CRYBG2: variants seen among roughly 807,000 people sequenced by gnomAD.
The protein encoded by CRYBG2 is beta/gamma crystallin domain-containing protein 2.
Under a neutral mutation model 153.4 loss-of-function variants are expected in CRYBG2, and 106 were observed. That is an observed-to-expected ratio of 0.69 (90% CI 0.59 to 0.81). The LOEUF is 0.81. CRYBG2 is among the 30% of genes least tolerant of loss of function. The pLI is 0.00. For missense variants in CRYBG2, 1,996 were observed against 2,112.0 expected (o/e 0.95, Z 1.08); for synonymous variants, 851 against 877.8 (o/e 0.97, Z 0.54).
chr1:26,337,812 A>T, intron 8 of CRYBG2, 138 bp from the exon 9 acceptor site: 2 of 1,346,258 alleles, frequency 1.5e-6, no homozygotes, highest in Non-Finnish European at 2.0e-6. Context: ...CCCTTACCCA[A>T]TTCCTATCTC....
Position 26,336,111 on chromosome 1 carries a change from G to A in CRYBG2, c.4168C>T (p.Arg1390Trp). The change falls in exon 14 of 20, where the codon CGG becomes TGG. Residue 1390 changes from arginine to tryptophan, a missense_variant. Coordinates refer to ENST00000308182, the MANE Select transcript of CRYBG2 (RefSeq NM_001039775.4). This position sits in a 1 kb window ranked among gnomAD's most constrained non-coding sequence, Gnocchi z 4.9. ...LPASFRPQSCRVHGGSWILFD... is the reference protein window; with the variant it reads ...LPASFRPQSCWVHGGSWILFD... ...CGTTCTCACCTGCCGCCGTGGACCCGGCAGGACTGAGGTCGGAAGGAGGCG... is the reference window on the plus strand; with the variant it reads ...CGTTCTCACCTGCCGCCGTGGACCCAGCAGGACTGAGGTCGGAAGGAGGCG... The A allele has an allele frequency of 6.7e-7, 1 of 1,498,342 alleles. No individual in the cohort carries two copies. Among genetic ancestry groups the A allele is most frequent in the Non-Finnish European group, 9.0e-7 (1 of 1,115,586 alleles). The allele number at this position is 1,498,342 out of a possible 1,614,324, so 92.8% of individuals were successfully genotyped here.
In CRYBG2 at chr1:26,336,569, C is replaced by T. The variant is rs1258066926; in HGVS notation, c.4038+37G>A. 3 of 1,541,848 alleles carry T rather than the reference C, an allele frequency of 1.9e-6. No individual in the cohort carries two copies. The highest frequency in any genetic ancestry group is 2.6e-6 in the Non-Finnish European group (3 of 1,143,138). ...GGCGCACCCGAACTCCAGGTCCCGC[C>T]ACCGGGGAGGCCCCGCCCCCCGCGG... On this transcript the variant is annotated intron_variant, in intron 12 of 19. Coordinates refer to ENST00000308182, the MANE Select transcript of CRYBG2 (RefSeq NM_001039775.4). The surrounding 1 kb of genome is among the most constrained non-coding windows in gnomAD (Gnocchi z 4.9).
At chr1:26,342,637 G>C in intron 5 of CRYBG2, 117 bp downstream of exon 5, 1 of 1,460,112 alleles carries the variant, frequency 6.8e-7, no homozygotes, top group Non-Finnish European at 9.2e-7. Flanking sequence ...GTCCTCAGCC[G>C]ATCCACCTGC....
In CRYBG2 at chr1:26,354,101, T is replaced by C; in HGVS notation, c.-121A>G. The C allele has an allele frequency of 2.5e-6, 1 of 399,736 alleles. No individual in the cohort carries two copies. The allele number at this position is 399,736 out of a possible 1,614,324, so 24.8% of individuals were successfully genotyped here. ...GCCTGGAGCTCCTGCTGCTGGGCCG[T>C]GCTCCCCTGATGCGATTGGGCTCTC... On this transcript the variant is annotated 5_prime_UTR_variant, in exon 1 of 20. Transcript: ENST00000308182.
Position 26,328,836 on chromosome 1 carries a change from T to G in CRYBG2, c.4352A>C (p.Glu1451Ala), listed in dbSNP as rs750923705. The change falls in exon 16 of 20, where the codon GAG becomes GCG. Residue 1451 changes from glutamate to alanine, a missense_variant. By Grantham distance (107) the Glu-to-Ala change is moderately radical (BLOSUM62 -1). Transcript: ENST00000308182. ...SEPSIFLYGL[E>A]CFEGKEIELS... ...CTCGATCTCCTTCCCCTCGAAGCAC[T>G]CGAGTCCATACAGGAAAATGGAAGG... 8.1e-6 allele frequency: 13 copies of G among 1,614,004 alleles called. No homozygotes were observed. The highest frequency in any genetic ancestry group is 1.1e-5 in the Non-Finnish European group (13 of 1,180,004).
Position 26,336,182 on chromosome 1 carries a change from A to G in CRYBG2, c.4097T>C (p.Phe1366Ser), listed in dbSNP as rs774806395. 1.3e-6 allele frequency: 2 copies of G among 1,551,244 alleles called. No homozygotes were observed. Among genetic ancestry groups the G allele is most frequent in the Non-Finnish European group, 1.7e-6 (2 of 1,145,266 alleles). Residue 1366 changes from phenylalanine to serine, a missense_variant, in exon 14 of 20, where the codon TTT becomes TCT. Physicochemically the swap from Phe to Ser is radical, Grantham distance 155. Coordinates refer to ENST00000308182, the MANE Select transcript of CRYBG2 (RefSeq NM_001039775.4). The surrounding 1 kb of genome is among the most constrained non-coding windows in gnomAD (Gnocchi z 4.9). Reference sequence around the variant, plus strand: ...TTCGAAAGAGAAGTGGTCGCCCAGAAAGTCGGGGCGGGAGAAAAGCTGAAT... The same window carrying G: ...TTCGAAAGAGAAGTGGTCGCCCAGAGAGTCGGGGCGGGAGAAAAGCTGAAT... ...SKIQLFSRPD[F>S]LGDHFSFEDD...
At chr1:26,332,116 G>A (rs1157594605) in intron 14 of CRYBG2, among the ~76,000 whole-genome samples, 1 of 152,016 alleles carries the variant, frequency 6.6e-6, no homozygotes. Context: ...GACCATCCTG[G>A]CTAACACAGT....
intron 1 of CRYBG2, among the ~76,000 whole-genome samples, chr1:26,347,276 C>A (rs1464615356): frequency 1.3e-5 from 2 of 150,122 alleles, no homozygotes; most frequent in South Asian, 4.2e-4. Context: ...AATGAAACCT[C>A]CCCCTGCGTT....
Position 26,324,249 on chromosome 1 carries a change from T to A in CRYBG2, c.4640A>T (p.His1547Leu). Residue 1547 changes from histidine to leucine, a missense_variant, in exon 18 of 20, where the codon CAT becomes CTT. His to Leu is a moderately conservative substitution (Grantham distance 99). Coordinates refer to ENST00000308182, the MANE Select transcript of CRYBG2 (RefSeq NM_001039775.4). ...ALGGFLAVPD[H>L]VEDMKAGRVV... ...ACGGCCTGCTTTCATGTCCTCCACA[T>A]GGTCCGGCACTGCCAGGAATCCCCC... 6.2e-7 allele frequency: 1 copy of A among 1,612,552 alleles called. No homozygotes were observed. Among genetic ancestry groups the A allele is most frequent in the Non-Finnish European group, 8.5e-7 (1 of 1,179,942 alleles).
chr1:26,352,306 C>T (rs2074295358), intron 1 of CRYBG2, among the ~76,000 whole-genome samples: 1 of 152,096 alleles, frequency 6.6e-6, no homozygotes, highest in African/African-American at 2.4e-5. Flanking sequence ...CAAATATACA[C>T]TCACCCAAGA....
At chr1:26,348,320 G>T (rs1007917282) in intron 1 of CRYBG2, among the ~76,000 whole-genome samples, 18 of 152,210 alleles carry the variant, frequency 1.2e-4, no homozygotes, top group Non-Finnish European at 2.4e-4. Context: ...ACTTTGGGAG[G>T]CAGAGGTGGG....
chr1:26,331,542 C>T lies in CRYBG2; in HGVS notation c.4261G>A (p.Ala1421Thr), dbSNP rs2073996992. The change falls in exon 15 of 20, where the codon GCC becomes ACC. Residue 1421 changes from alanine to threonine, a missense_variant. Coordinates refer to ENST00000308182, the MANE Select transcript of CRYBG2 (RefSeq NM_001039775.4). ...LSEGEFPTLT[A>T]MGCLASTVLG... ...ACTGTGGAGGCGAGGCAGCCCATGG[C>T]CGTGAGAGTGGGGAACTCGCCCTCA... The T allele has an allele frequency of 6.2e-7, 1 of 1,613,992 alleles. No homozygotes were observed. Among genetic ancestry groups the T allele is most frequent in the South Asian group, 1.1e-5 (1 of 91,082 alleles).
At chr1:26,351,970 C>T (rs1464681838) in intron 1 of CRYBG2, among the ~76,000 whole-genome samples, 1 of 152,106 alleles carries the variant, frequency 6.6e-6, no homozygotes, top group African/African-American at 2.4e-5. Context: ...GGGCCCCAGA[C>T]CAGAAGTGGA....
At chr1:26,329,284 C>T (rs1176152089) in intron 15 of CRYBG2, among the ~76,000 whole-genome samples, 2 of 144,158 alleles carry the variant, frequency 1.4e-5, no homozygotes, top group African/African-American at 5.1e-5. Flanking sequence ...TCAAACAATT[C>T]TTCTGCCTCA....
chr1:26,331,783 A>C (rs1356543931), intron 14 of CRYBG2, among the ~76,000 whole-genome samples, 165 bp from the exon 15 acceptor site: 1 of 152,228 alleles, frequency 6.6e-6, no homozygotes, highest in Non-Finnish European at 1.5e-5. Context: ...GTCAGACCTA[A>C]GAAAAGACTG....
chr1:26,336,556 C>G lies in CRYBG2; in HGVS notation c.4038+50G>C, dbSNP rs1347196164. On this transcript the variant is annotated intron_variant, in intron 12 of 19. Transcript: ENST00000308182. The surrounding 1 kb of genome is among the most constrained non-coding windows in gnomAD (Gnocchi z 4.9). ...TGCGTGGGGGCGGGGCGCACCCGAA[C>G]TCCAGGTCCCGCCACCGGGGAGGCC... 9 of 1,541,770 alleles carry G rather than the reference C, an allele frequency of 5.8e-6. No homozygotes were observed. In the African/African-American group the frequency reaches 8.3e-5, roughly 14 times the overall value.
intron 5 of CRYBG2, among the ~76,000 whole-genome samples, chr1:26,341,385 C>T (rs982166406): frequency 6.6e-6 from 1 of 152,044 alleles, no homozygotes; most frequent in Admixed American, 6.6e-5. Flanking sequence ...ACCAAAATGC[C>T]TGATAGACAC....
chr1:26,347,292 T>TTTG (rs1553169234), intron 1 of CRYBG2, among the ~76,000 whole-genome samples: 2 of 134,410 alleles, frequency 1.5e-5, no homozygotes, highest in Admixed American at 7.3e-5. Flanking sequence ...GCGTTTTTTT[T>TTTG]TTTTTTTTTT....
At position 26,344,267 on chromosome 1, in the gene CRYBG2, G is replaced by A. The variant is rs1482764162; in HGVS notation, c.2391C>T (p.Tyr797=). ...RAPRSSYLSM[Y]ATLPAIEEDQ... ...CCTCCTCAATGGCAGGCAGCGTGGC[G>A]TACATGGACAGGTAGGAGGAGCGAG... The change falls in exon 2 of 20, where the codon TAC becomes TAT. Residue 797 remains tyrosine (Y), a synonymous_variant. Coordinates refer to ENST00000308182, the MANE Select transcript of CRYBG2 (RefSeq NM_001039775.4). 1.3e-5 allele frequency: 20 copies of A among 1,531,158 alleles called. No homozygotes were observed. Among genetic ancestry groups the A allele is most frequent in the South Asian group, 8.4e-5 (7 of 83,434 alleles). 94.8% of individuals were successfully genotyped at this position (1,531,158 alleles called of 1,614,324 possible).
Sources: allele counts gnomAD v4.1 joint callset (sites outside exome capture counted in the v4.1 genomes callset), GRCh38; gene constraint gnomAD v4.1.1; non-coding constraint Gnocchi (gnomAD v3.1); transcripts MANE v1.5; gene names NCBI Gene and HGNC (gene_info 2026-07-23, HGNC 2026-07-21).